Variants in RAB17 observed in about 807,000 individuals in gnomAD.
The protein encoded by RAB17 is RAB17, member RAS oncogene family.
Under a neutral mutation model 19.3 loss-of-function variants are expected in RAB17, and 15 were observed. The ratio of observed to expected loss-of-function variants is 0.78; its 90% confidence interval spans 0.52 to 1.20. RAB17 has a LOEUF of 1.20. Among genes scored for constraint, RAB17 ranks in the 50% most tolerant of loss-of-function variants. The pLI, the probability that RAB17 is intolerant of heterozygous loss-of-function variation, is 0.00. For synonymous variants in RAB17, 110 were observed against 112.8 expected (o/e 0.97, Z 0.16); for missense variants, 262 against 269.3 (o/e 0.97, Z 0.19).
At position 237,574,951 on chromosome 2, in the gene RAB17, A is replaced by G; in HGVS notation, c.*68T>C. ...AACCCAGCATTGACAGTGAATCAGA[A>G]TCCACCTAGAGCTGGCCATGGCCCA... is the stretch of plus-strand genomic sequence containing the variant. On this transcript the variant is annotated 3_prime_UTR_variant, in exon 6 of 6. Transcript: ENST00000264601. The G allele has an allele frequency of 8.2e-7, 1 of 1,218,414 alleles. No homozygotes were observed. The highest frequency in any genetic ancestry group is 1.1e-6 in the Non-Finnish European group (1 of 882,530). 75.5% of individuals were successfully genotyped at this position (1,218,414 alleles called of 1,614,324 possible).
At chr2:237,582,824 T>A (rs1043354736) in intron 2 of RAB17, among the ~76,000 whole-genome samples, 2 of 152,262 alleles carry the variant, frequency 1.3e-5, no homozygotes, top group Non-Finnish European at 2.9e-5. Context: ...TATGTGATCA[T>A]GTAATTATTA....
chr2:237,584,888 C>A (rs918172055), intron 2 of RAB17, among the ~76,000 whole-genome samples: 1 of 152,188 alleles, frequency 6.6e-6, no homozygotes, highest in Non-Finnish European at 1.5e-5. Flanking sequence ...TTGTACTGCA[C>A]ACCACAGGGT....
chr2:237,578,269 A>G, intron 2 of RAB17, 114 bp from the exon 3 acceptor site: 1 of 1,067,754 alleles, frequency 9.4e-7, no homozygotes, highest in South Asian at 1.7e-5. Context: ...ACAGCTGGCC[A>G]TGCATCTCCC....
intron 1 of RAB17, 114 bp downstream of exon 1, chr2:237,590,353 A>G (rs6760287): frequency 0.12 from 17,517 of 152,294 alleles, 1,129 homozygotes; most frequent in Non-Finnish European, 0.14. Context: ...ACATGGGTAC[A>G]AACACGTGAG....
chr2:237,582,704 T>C (rs2081317778), intron 2 of RAB17, among the ~76,000 whole-genome samples: 1 of 152,204 alleles, frequency 6.6e-6, no homozygotes, highest in African/African-American at 2.4e-5. Context: ...GTGTCTGCTC[T>C]CAAAGGGTTT....
Position 237,575,258 on chromosome 2 carries a change from C to A in RAB17, c.529+129G>T, listed in dbSNP as rs59607721. ...TGAACCATAGAACAAGGGCCTCCTG[C>A]CCCTCCTGGTCACCATCCAGTCCCT... On this transcript the variant is annotated intron_variant, in intron 5 of 5. Coordinates refer to ENST00000264601, the MANE Select transcript of RAB17 (RefSeq NM_022449.4). 16,146 of 1,013,878 alleles carry A rather than the reference C, an allele frequency of 0.016. 1,732 individuals are homozygous for A. In the African/African-American group the frequency reaches 0.23, roughly 14 times the overall value. 62.8% of individuals were successfully genotyped at this position (1,013,878 alleles called of 1,614,324 possible). A position where few individuals can be genotyped will look rare whatever the true frequency, so the allele number is the denominator to read the frequency against.
chr2:237,578,770 T>C (rs1016575607), intron 2 of RAB17: 2 of 152,608 alleles, frequency 1.3e-5, no homozygotes, highest in African/African-American at 4.8e-5. Context: ...CCGGAAGGGC[T>C]GCTGGGCCCC....
At chr2:237,583,251 T>C (rs1015698907) in intron 2 of RAB17, among the ~76,000 whole-genome samples, 10 of 152,164 alleles carry the variant, frequency 6.6e-5, no homozygotes, top group Non-Finnish European at 1.2e-4. Flanking sequence ...GGTGGGAGGA[T>C]GGCTTGAGCC....
At chr2:237,583,936 A>AC (rs1450153164) in intron 2 of RAB17, among the ~76,000 whole-genome samples, 2 of 138,616 alleles carry the variant, frequency 1.4e-5, no homozygotes, top group Non-Finnish European at 3.1e-5. Context: ...CCAAGCAAAG[A>AC]CCCCCAACCT....
rs766510577 is a variant in RAB17 at position 237,586,000 on chromosome 2, C to A, written c.155G>T (p.Gly52Val). 64 of 1,602,152 alleles carry A rather than the reference C, an allele frequency of 4.0e-5. No individual in the cohort carries two copies. The South Asian group carries it at 6.8e-4, about 17-fold the overall frequency. ...NDFKSILPTV[G>V]CAFFTKVVDV... Reference sequence around the variant, plus strand: ...AGGGGTGCTCTGCCCTCACTTACAGCCCACCGTAGGCAGGATACTCTTGAA... The same window carrying A: ...AGGGGTGCTCTGCCCTCACTTACAGACCACCGTAGGCAGGATACTCTTGAA... The change falls in exon 2 of 6, where the codon GGC becomes GTC. Residue 52 changes from glycine to valine, a missense_variant and splice_region_variant. Physicochemically the swap from Gly to Val is moderately radical, Grantham distance 109. Transcript: ENST00000264601.
At position 237,574,759 on chromosome 2, in the gene RAB17, G is replaced by A; in HGVS notation, c.*260C>T. 1.6e-6 allele frequency: 2 copies of A among 1,243,378 alleles called. No individual in the cohort carries two copies. The highest frequency in any genetic ancestry group is 1.1e-6 in the Non-Finnish European group (1 of 935,504). The allele number at this position is 1,243,378 out of a possible 1,614,324, so 77.0% of individuals were successfully genotyped here. A position where few individuals can be genotyped will look rare whatever the true frequency, so the allele number is the denominator to read the frequency against. ...AGGCTGAGGGGGCCACCGTCCAGGT[G>A]GAACAGGCACAGGCATCGGGGAATC... On this transcript the variant is annotated 3_prime_UTR_variant, in exon 6 of 6. Coordinates refer to ENST00000264601, the MANE Select transcript of RAB17 (RefSeq NM_022449.4).
At chr2:237,582,994 C>T (rs1033282386) in intron 2 of RAB17, among the ~76,000 whole-genome samples, 12 of 152,142 alleles carry the variant, frequency 7.9e-5, no homozygotes, top group African/African-American at 1.9e-4. Flanking sequence ...CCCAGCCACT[C>T]GGGAGGCTGA....
chr2:237,583,199 A>G (rs746260797), intron 2 of RAB17, among the ~76,000 whole-genome samples: 5 of 152,190 alleles, frequency 3.3e-5, no homozygotes, highest in Admixed American at 2.6e-4. Context: ...TTAGCTGGCT[A>G]TGGTGGTGCG....
chr2:237,587,751 A>T (rs527812823), intron 1 of RAB17, among the ~76,000 whole-genome samples: 5 of 152,002 alleles, frequency 3.3e-5, no homozygotes, highest in African/African-American at 1.2e-4. Flanking sequence ...AGCTGGAAAT[A>T]CTCAAGTTTC....
At chr2:237,579,039 T>C (rs1313873196) in intron 2 of RAB17, 1 of 152,254 alleles carries the variant, frequency 6.6e-6, no homozygotes, top group Non-Finnish European at 1.5e-5. Context: ...AAAATGGTTA[T>C]TTTATAGATC....
intron 5 of RAB17, 21 bp from the exon 6 acceptor site, chr2:237,575,149 G>C (rs1240696524): frequency 1.3e-6 from 2 of 1,596,662 alleles, no homozygotes; most frequent in Non-Finnish European, 1.7e-6. Context: ...CAAGAGGAGG[G>C]GGCTGGCTAG....
intron 1 of RAB17, among the ~76,000 whole-genome samples, chr2:237,587,263 A>G (rs2081357932): frequency 6.6e-6 from 1 of 152,200 alleles, no homozygotes; most frequent in Admixed American, 6.5e-5. Flanking sequence ...CATTCTAATA[A>G]TGTTCTAATG....
In RAB17 at chr2:237,580,719, G is replaced by A. The variant is rs148890549; in HGVS notation, c.158-2564C>T. On this transcript the variant is annotated intron_variant, in intron 2 of 5. Coordinates refer to ENST00000264601, the MANE Select transcript of RAB17 (RefSeq NM_022449.4). ...GTGCCACTGCACTCCAGCCTGGGCA[G>A]CAGGAGACAGAGTGAGACTCTGCCT... Among the ~76,000 whole-genome samples the A allele has an allele frequency of 6.5e-4, 97 of 149,496 alleles. No individual in the cohort carries two copies. The East Asian group carries it at 0.018, about 28-fold the overall frequency.
chr2:237,580,593 G>C (rs923685691), intron 2 of RAB17, among the ~76,000 whole-genome samples: 2 of 152,174 alleles, frequency 1.3e-5, no homozygotes, highest in Non-Finnish European at 2.9e-5. Flanking sequence ...ACAAAAATTA[G>C]CCAGGTGTGC....
Sources: gnomAD v4.1 joint callset for allele counts (sites outside exome capture counted in the v4.1 genomes callset) on GRCh38, gnomAD v4.1.1 for gene constraint, MANE v1.5 for transcripts, NCBI Gene and HGNC (gene_info 2026-07-23, HGNC 2026-07-21) for gene names.